Variants in CNTNAP2 observed in about 807,000 individuals in gnomAD.
CNTNAP2 encodes the protein contactin-associated protein-like 2.
In CNTNAP2, 98 loss-of-function variants were observed where a neutral mutation model predicts 155.2. The observed-to-expected ratio is 0.63, with a 90% CI of 0.54 to 0.75. The LOEUF (loss-of-function observed/expected upper bound fraction) is 0.75, where lower values mean the gene tolerates loss of function less well. CNTNAP2 is among the 30% of genes least tolerant of loss of function. The pLI is 0.00. For synonymous variants in CNTNAP2, 651 were observed against 631.2 expected, an observed-to-expected ratio of 1.03 and a Z score of -0.47; for missense variants, 1,727 against 1,688.1, an observed-to-expected ratio of 1.02 and a Z score of -0.40.
chr7:147,181,212 CCCAGAGAGA>C (rs1802449943), intron 8 of CNTNAP2, among the ~76,000 whole-genome samples: 1 of 152,008 alleles, frequency 6.6e-6, no homozygotes, highest in East Asian at 1.9e-4. Flanking sequence ...CAGCAGGTGG[CCCAGAGAGA>C]CCAGAAGCCG....
intron 14 of CNTNAP2, among the ~76,000 whole-genome samples, chr7:147,916,832 C>T (rs1200725150): frequency 1.3e-5 from 2 of 152,112 alleles, no homozygotes; most frequent in Non-Finnish European, 2.9e-5. Flanking sequence ...TTCTGTGTCC[C>T]ACTGAAAGTT....
chr7:147,337,436 T>C (rs1301019064), intron 9 of CNTNAP2, among the ~76,000 whole-genome samples: 2 of 152,152 alleles, frequency 1.3e-5, no homozygotes, highest in Non-Finnish European at 2.9e-5. Context: ...ATGTCTTCAA[T>C]GTTGCATTTC....
At chr7:148,373,784 T>G (rs1184970671) in intron 21 of CNTNAP2, among the ~76,000 whole-genome samples, 1 of 152,178 alleles carries the variant, frequency 6.6e-6, no homozygotes, top group African/African-American at 2.4e-5. Flanking sequence ...GGAACTGGCT[T>G]TAGGGGTTCA....
chr7:148,297,765 C>T (rs1453426374), intron 21 of CNTNAP2, among the ~76,000 whole-genome samples: 2 of 152,040 alleles, frequency 1.3e-5, no homozygotes, highest in Non-Finnish European at 2.9e-5. Flanking sequence ...GGATCATTTT[C>T]GTGTTCTGGC....
At chr7:146,569,581 A>G (rs1798410939) in intron 1 of CNTNAP2, among the ~76,000 whole-genome samples, 1 of 152,190 alleles carries the variant, frequency 6.6e-6, no homozygotes, top group Non-Finnish European at 1.5e-5. Context: ...CTATGGTATT[A>G]TAGTTCTTTT....
chr7:147,954,685 T>C (rs1800990560), intron 14 of CNTNAP2, among the ~76,000 whole-genome samples: 1 of 152,220 alleles, frequency 6.6e-6, no homozygotes, highest in Non-Finnish European at 1.5e-5. Context: ...GATGACAATT[T>C]TATTTTAATT....
At chr7:147,687,935 T>C (rs879804204) in intron 13 of CNTNAP2, among the ~76,000 whole-genome samples, 1 of 152,156 alleles carries the variant, frequency 6.6e-6, no homozygotes, top group Non-Finnish European at 1.5e-5. Context: ...ATGATTCTCA[T>C]CCATTTGTGC....
intron 1 of CNTNAP2, among the ~76,000 whole-genome samples, chr7:146,443,921 TCA>T (rs1297862866): frequency 6.6e-6 from 1 of 152,254 alleles, no homozygotes; most frequent in Non-Finnish European, 1.5e-5. Flanking sequence ...GCTAGTATTA[TCA>T]CAGTGTTCTG....
Position 147,866,201 on chromosome 7 carries a change from AG to A in CNTNAP2, c.2099-37362del, listed in dbSNP as rs753090510. Among the ~76,000 whole-genome samples the A allele has an allele frequency of 2.6e-5, 4 of 152,326 alleles. No homozygotes were observed. The East Asian group carries it at 7.7e-4, about 29-fold the overall frequency. ...ATGTACCCAGTAGTCATTCAGGAGC[AG>A]GTTGTTCAGTTTCCATGTAGTTGTG... is the stretch of plus-strand genomic sequence containing the variant. On this transcript the variant is annotated intron_variant, in intron 13 of 23. Coordinates refer to ENST00000361727, the MANE Select transcript of CNTNAP2 (RefSeq NM_014141.6).
chr7:146,446,458 C>T (rs1415447381), intron 1 of CNTNAP2, among the ~76,000 whole-genome samples: 1 of 152,070 alleles, frequency 6.6e-6, no homozygotes, highest in Non-Finnish European at 1.5e-5. Flanking sequence ...TGCAACCAGA[C>T]TAGCACTTTC....
chr7:146,915,073 G>T (rs1796367135), intron 3 of CNTNAP2, among the ~76,000 whole-genome samples: 1 of 151,904 alleles, frequency 6.6e-6, no homozygotes, highest in Non-Finnish European at 1.5e-5. Flanking sequence ...GTTAAATAGG[G>T]TATACTTTCC....
At chr7:147,883,765 T>G (rs1467612298) in intron 13 of CNTNAP2, among the ~76,000 whole-genome samples, 1 of 152,206 alleles carries the variant, frequency 6.6e-6, no homozygotes, top group Non-Finnish European at 1.5e-5. Flanking sequence ...TTTCTTTTTT[T>G]AAAAATGTGT....
chr7:146,486,361 G>A (rs1227027272), intron 1 of CNTNAP2, among the ~76,000 whole-genome samples: 1 of 151,890 alleles, frequency 6.6e-6, no homozygotes, highest in Non-Finnish European at 1.5e-5. Context: ...ACAGCGCCCA[G>A]CCACCACAGC....
intron 1 of CNTNAP2, among the ~76,000 whole-genome samples, chr7:146,729,176 C>G (rs1368152974): frequency 6.6e-6 from 1 of 152,176 alleles, no homozygotes; most frequent in African/African-American, 2.4e-5. Flanking sequence ...CACAGCAAAC[C>G]TGTTCTTCAT....
intron 3 of CNTNAP2, among the ~76,000 whole-genome samples, chr7:146,940,296 C>T (rs1454537122): frequency 6.6e-6 from 1 of 152,006 alleles, no homozygotes; most frequent in Non-Finnish European, 1.5e-5. Context: ...ACCTCTGCCT[C>T]CCGAGTTCTC....
At chr7:148,303,933 G>A (rs1056373666) in intron 21 of CNTNAP2, among the ~76,000 whole-genome samples, 2 of 152,194 alleles carry the variant, frequency 1.3e-5, no homozygotes, top group African/African-American at 4.8e-5. Flanking sequence ...TAAATAAGTT[G>A]AAGTTTGAAG....
At chr7:146,367,731 T>C (rs1365400895) in intron 1 of CNTNAP2, among the ~76,000 whole-genome samples, 1 of 152,156 alleles carries the variant, frequency 6.6e-6, no homozygotes, top group Admixed American at 6.5e-5. Flanking sequence ...AATTTTTAAA[T>C]TAATGGACAT....
intron 3 of CNTNAP2, among the ~76,000 whole-genome samples, chr7:146,940,696 T>TGTAC (rs141060602): frequency 6.7e-6 from 1 of 148,996 alleles, no homozygotes; most frequent in African/African-American, 2.5e-5. Context: ...TATATATATA[T>TGTAC]ACACACACAC....
At chr7:148,363,868 G>T (rs1408150367) in intron 21 of CNTNAP2, among the ~76,000 whole-genome samples, 3 of 139,240 alleles carry the variant, frequency 2.2e-5, no homozygotes, top group Middle Eastern at 3.6e-3. Context: ...CTGGAGTTCC[G>T]GGTGGGCGTG....
Sources: allele counts gnomAD v4.1 joint callset (sites outside exome capture counted in the v4.1 genomes callset), GRCh38; gene constraint gnomAD v4.1.1; transcripts MANE v1.5; gene names NCBI Gene and HGNC (gene_info 2026-07-23, HGNC 2026-07-21).